ING1: variants seen among roughly 807,000 people sequenced by gnomAD.
ING1 encodes the protein inhibitor of growth family member 1.
ING1 carries 4 observed loss-of-function variants against 23.1 expected under a neutral mutation model. The observed-to-expected ratio is 0.17, with a 90% CI of 0.09 to 0.40. The LOEUF (loss-of-function observed/expected upper bound fraction) is 0.40, where lower values mean the gene tolerates loss of function less well. Among genes scored for constraint, ING1 ranks in the 10% least tolerant of loss-of-function variants. The pLI is 1.00. For synonymous variants in ING1, 179 were observed against 166.4 expected, an observed-to-expected ratio of 1.08 and a Z score of -0.58; for missense variants, 256 against 393.8, an observed-to-expected ratio of 0.65 and a Z score of 2.96.
intron 1 of ING1, among the ~76,000 whole-genome samples, chr13:110,717,237 G>A (rs1209456133): frequency 6.6e-6 from 1 of 152,100 alleles, no homozygotes; most frequent in African/African-American, 2.4e-5. Context: ...GTATTACTTG[G>A]ATACGTTGAA....
chr13:110,716,622 G>T (rs1333855517), intron 1 of ING1, among the ~76,000 whole-genome samples: 2 of 151,956 alleles, frequency 1.3e-5, no homozygotes, highest in Admixed American at 6.6e-5. Flanking sequence ...CCACCCCCTG[G>T]GAAGTTCGCT....
In ING1 at chr13:110,715,838, C is replaced by T. The variant is rs761142165; in HGVS notation, c.136+1553C>T. On this transcript the variant is annotated intron_variant, in intron 1 of 1. Transcript: ENST00000333219. ...CCCCGGCCCCTCTCCCCGCTCAGCC[C>T]GGCCACTTTCGGGCGCGGATTTATA... is the stretch of plus-strand genomic sequence containing the variant. The T allele has an allele frequency of 1.1e-5, 17 of 1,589,914 alleles. No homozygotes were observed. The East Asian group carries it at 2.7e-4, about 25-fold the overall frequency.
rs534477479 is a variant in ING1 at position 110,720,156 on chromosome 13, A to G, written c.*224A>G. On this transcript the variant is annotated 3_prime_UTR_variant, in exon 2 of 2. Transcript: ENST00000333219. ...GTGGATCAGCATTTTAGAAACTACAAATATAGGTTTGATTCAACACTTAAG... is the reference window on the plus strand; with the variant it reads ...GTGGATCAGCATTTTAGAAACTACAGATATAGGTTTGATTCAACACTTAAG... 4.9e-5 allele frequency: 19 copies of G among 391,028 alleles called. No homozygotes were observed. In the South Asian group the frequency reaches 9.2e-4, roughly 19 times the overall value. 24.2% of individuals were successfully genotyped at this position (391,028 alleles called of 1,614,324 possible).
At chr13:110,715,081 C>G in intron 1 of ING1, 3 of 1,032,376 alleles carry the variant, frequency 2.9e-6, no homozygotes, top group Non-Finnish European at 3.5e-6. Context: ...ACCTGTGCGT[C>G]GTTCTCTGCA....
chr13:110,720,007 G>A lies in ING1; in HGVS notation c.*75G>A. On this transcript the variant is annotated 3_prime_UTR_variant, in exon 2 of 2. Coordinates refer to ENST00000333219, the MANE Select transcript of ING1 (RefSeq NM_198219.3). Reference sequence around the variant, plus strand: ...ATTACATTGCTGCCTTTGTTGAGGTGCAAGGAGTGTAAAATGTATATTTTT... The same window carrying A: ...ATTACATTGCTGCCTTTGTTGAGGTACAAGGAGTGTAAAATGTATATTTTT... 1 of 1,036,214 alleles carries A rather than the reference G, an allele frequency of 9.7e-7. No individual in the cohort carries two copies. The allele number at this position is 1,036,214 out of a possible 1,614,324, so 64.2% of individuals were successfully genotyped here.
rs2064168672 is a variant in ING1 at position 110,721,073 on chromosome 13, C to T, written c.*1141C>T. On this transcript the variant is annotated 3_prime_UTR_variant, in exon 2 of 2. Coordinates refer to ENST00000333219, the MANE Select transcript of ING1 (RefSeq NM_198219.3). ...CCATAAATAAAGTTTCAGCGGAACACAGCCGTGCTTATGTGCGTATGTATT... is the reference window on the plus strand; with the variant it reads ...CCATAAATAAAGTTTCAGCGGAACATAGCCGTGCTTATGTGCGTATGTATT... The T allele has an allele frequency of 1.8e-5, 3 of 167,008 alleles. No homozygotes were observed. The highest frequency in any genetic ancestry group is 7.2e-5 in the African/African-American group (3 of 41,458). The allele number at this position is 167,008 out of a possible 1,614,324, so 10.3% of individuals were successfully genotyped here. A position where few individuals can be genotyped will look rare whatever the true frequency, so the allele number is the denominator to read the frequency against.
Position 110,719,842 on chromosome 13 carries a change from G to A in ING1, c.750G>A (p.Lys250=), listed in dbSNP as rs1179964812. ...CVGLNHKPKG[K]WYCPKCRGEN... Reference sequence around the variant, plus strand: ...GGCTCAATCATAAACCCAAGGGCAAGTGGTACTGTCCCAAGTGCCGGGGGG... The same window carrying A: ...GGCTCAATCATAAACCCAAGGGCAAATGGTACTGTCCCAAGTGCCGGGGGG... Residue 250 remains lysine (K), a synonymous_variant, in exon 2 of 2, where the codon AAG becomes AAA. Transcript: ENST00000333219. The surrounding 1 kb of genome is among the most constrained non-coding windows in gnomAD (Gnocchi z 8.9). 1 of 1,614,018 alleles carries A rather than the reference G, an allele frequency of 6.2e-7. No homozygotes were observed. The highest frequency in any genetic ancestry group is 1.1e-5 in the South Asian group (1 of 91,078).
chr13:110,722,293 A>T lies in ING1; in HGVS notation c.*2361A>T, dbSNP rs952509045. ...ATTTACCCAAACAAATAGTGAACAAAAGGTTTATGAAAATAAGTTATGAAA... is the reference window on the plus strand; with the variant it reads ...ATTTACCCAAACAAATAGTGAACAATAGGTTTATGAAAATAAGTTATGAAA... On this transcript the variant is annotated 3_prime_UTR_variant, in exon 2 of 2. Coordinates refer to ENST00000333219, the MANE Select transcript of ING1 (RefSeq NM_198219.3). 1.4e-4 allele frequency: 22 copies of T among 152,266 alleles called. No homozygotes were observed. The highest frequency in any genetic ancestry group is 5.1e-4 in the African/African-American group (21 of 41,472). The allele number at this position is 152,266 out of a possible 1,614,324, so 9.4% of individuals were successfully genotyped here. A position where few individuals can be genotyped will look rare whatever the true frequency, so the allele number is the denominator to read the frequency against.
chr13:110,721,664 C>G lies in ING1; in HGVS notation c.*1732C>G, dbSNP rs1250987150. On this transcript the variant is annotated 3_prime_UTR_variant, in exon 2 of 2. Transcript: ENST00000333219. Reference sequence around the variant, plus strand: ...AGTCTTGGCTCACTGCAACCTCTGCCTCTCGGGTTCAAGCGATTCTCTTGC... The same window carrying G: ...AGTCTTGGCTCACTGCAACCTCTGCGTCTCGGGTTCAAGCGATTCTCTTGC... 1.3e-5 allele frequency: 2 copies of G among 151,444 alleles called. No homozygotes were observed. The highest frequency in any genetic ancestry group is 6.6e-5 in the Admixed American group (1 of 15,144). 9.4% of individuals were successfully genotyped at this position (151,444 alleles called of 1,614,324 possible).
Position 110,719,560 on chromosome 13 carries a change from CGAGAACCGT to C in ING1, c.475_483del (p.Arg159_Asn161del). ...AGCGCTCACGGCGGCAGCGCAACAA[CGAGAACCGT>C]GAGAACGCGTCCAGCAACCACGACC... On this transcript the variant is annotated inframe_deletion, in exon 2 of 2. Coordinates refer to ENST00000333219, the MANE Select transcript of ING1 (RefSeq NM_198219.3). This position sits in a 1 kb window ranked among gnomAD's most constrained non-coding sequence, Gnocchi z 8.9. 1 of 1,610,830 alleles carries C rather than the reference CGAGAACCGT, an allele frequency of 6.2e-7. No homozygotes were observed. The highest frequency in any genetic ancestry group is 8.5e-7 in the Non-Finnish European group (1 of 1,178,930).
chr13:110,715,183 C>G (rs971223771), intron 1 of ING1: 2 of 1,225,694 alleles, frequency 1.6e-6, no homozygotes, highest in Non-Finnish European at 1.0e-6. Context: ...CGAGGTCAGT[C>G]AAGGCTTTGG....
rs1023950130 is a variant in ING1, at chr13:110,713,874, A to T, written c.-276A>T. ...GCTCGTACGCGCGGCCCCCGGCGCC[A>T]GCCCCGCCGCCTGAGAGGGGGCCTG... is the stretch of plus-strand genomic sequence containing the variant. On this transcript the variant is annotated 5_prime_UTR_variant, in exon 1 of 2. Transcript: ENST00000333219. The T allele has an allele frequency of 3.1e-6, 3 of 980,872 alleles. No individual in the cohort carries two copies. Among genetic ancestry groups the T allele is most frequent in the South Asian group, 4.7e-5 (1 of 21,220 alleles). The allele number at this position is 980,872 out of a possible 1,614,324, so 60.8% of individuals were successfully genotyped here.
chr13:110,715,354 A>C lies in ING1; in HGVS notation c.136+1069A>C, dbSNP rs1594452749. ...CCGGGAAGGCGCCCCTGCGCGTTCTATCCGAGACGTAGCTTCGCAGCGAAT... is the reference window on the plus strand; with the variant it reads ...CCGGGAAGGCGCCCCTGCGCGTTCTCTCCGAGACGTAGCTTCGCAGCGAAT... On this transcript the variant is annotated intron_variant, in intron 1 of 1. Coordinates refer to ENST00000333219, the MANE Select transcript of ING1 (RefSeq NM_198219.3). 13 of 1,482,546 alleles carry C rather than the reference A, an allele frequency of 8.8e-6. No individual in the cohort carries two copies. In the East Asian group the frequency reaches 2.6e-4, roughly 29 times the overall value. 91.8% of individuals were successfully genotyped at this position (1,482,546 alleles called of 1,614,324 possible).
At position 110,719,674 on chromosome 13, in the gene ING1, G is replaced by A. The variant is rs768754146; in HGVS notation, c.582G>A (p.Ala194=). 14 of 1,613,682 alleles carry A rather than the reference G, an allele frequency of 8.7e-6. No individual in the cohort carries two copies. The highest frequency in any genetic ancestry group is 2.2e-5 in the East Asian group (1 of 44,850). The change falls in exon 2 of 2, where the codon GCG becomes GCA. Residue 194 remains alanine (A), a synonymous_variant. Coordinates refer to ENST00000333219, the MANE Select transcript of ING1 (RefSeq NM_198219.3). This position sits in a 1 kb window ranked among gnomAD's most constrained non-coding sequence, Gnocchi z 8.9. ...AGAAGAAGCGCTCCAAGGCCAAGGC[G>A]GAGCGAGAGGCGTCCCCTGCCGACC... is the stretch of plus-strand genomic sequence containing the variant. ...SKKKKRSKAK[A]EREASPADLP... is the part of the protein sequence containing the mutation.
intron 1 of ING1, 23 bp downstream of exon 1, chr13:110,714,308 C>CG: frequency 6.8e-7 from 1 of 1,479,458 alleles, no homozygotes; most frequent in Non-Finnish European, 9.0e-7. Context: ...GATGGATGGG[C>CG]GGGGGCGGCC....
chr13:110,713,494 C>G (rs1436756218), upstream of ING1: 1 of 987,232 alleles, frequency 1.0e-6, no homozygotes, highest in Non-Finnish European at 1.2e-6. Flanking sequence ...GACGCTGTCC[C>G]CTCCGCGACC....
At position 110,721,023 on chromosome 13, in the gene ING1, T is replaced by A. The variant is rs1256337296; in HGVS notation, c.*1091T>A. 1.2e-5 allele frequency: 2 copies of A among 167,120 alleles called. No individual in the cohort carries two copies. The highest frequency in any genetic ancestry group is 2.9e-5 in the Non-Finnish European group (2 of 68,126). 10.4% of individuals were successfully genotyped at this position (167,120 alleles called of 1,614,324 possible). ...GTTCAGCCCACCATCTGTTTGAAGA[T>A]TATATGAAGTTTAAATTCTAGTGTC... is the stretch of plus-strand genomic sequence containing the variant. On this transcript the variant is annotated 3_prime_UTR_variant, in exon 2 of 2. Transcript: ENST00000333219.
upstream of ING1, chr13:110,713,246 T>A: frequency 7.4e-7 from 1 of 1,351,478 alleles, no homozygotes; most frequent in Non-Finnish European, 9.5e-7. Context: ...TACTGCTCTG[T>A]GGGGCGGGGA....
At chr13:110,712,989 G>A, upstream of ING1, 1 of 1,549,816 alleles carries the variant, frequency 6.5e-7, no homozygotes, top group Non-Finnish European at 8.7e-7. Flanking sequence ...TAGGTCTCCC[G>A]CGCACTCTGC....
Sources: allele counts gnomAD v4.1 joint callset (sites outside exome capture counted in the v4.1 genomes callset), GRCh38; gene constraint gnomAD v4.1.1; non-coding constraint Gnocchi (gnomAD v3.1); transcripts MANE v1.5; gene names NCBI Gene and HGNC (gene_info 2026-07-23, HGNC 2026-07-21).